Variants in ZNF232 observed in about 807,000 individuals in gnomAD.
ZNF232 encodes the protein zinc finger protein 232.
In ZNF232, 25 loss-of-function variants were observed where a neutral mutation model predicts 25.2. The observed-to-expected ratio is 0.99, with a 90% CI of 0.72 to 1.39. ZNF232 has a LOEUF of 1.39. Ranked by LOEUF, ZNF232 falls within the 40% of genes most tolerant of loss-of-function variation. The pLI is 0.00. For missense variants in ZNF232, 519 were observed against 520.9 expected (o/e 1.00, Z 0.04); for synonymous variants, 193 against 182.9 (o/e 1.06, Z -0.45).
Position 5,109,476 on chromosome 17 carries a change from ACC to A in ZNF232, c.414_415del (p.Trp138CysfsTer7). On this transcript the variant is annotated frameshift_variant, in exon 2 of 4. Coordinates refer to ENST00000575898, the Ensembl canonical transcript of ZNF232. LOFTEE classifies it high-confidence loss of function. The stretch of plus-strand genomic sequence containing the variant: ...TCCACTCTTAGGGTGATGTCCCCGC[ACC>A]CAGGATTGGAGCTCCTCAGGCAGGA... The A allele has an allele frequency of 6.2e-7, 1 of 1,614,112 alleles. No homozygotes were observed. Among genetic ancestry groups the A allele is most frequent in the Non-Finnish European group, 8.5e-7 (1 of 1,180,006 alleles).
At chr17:5,112,618 AT>A (rs553692280), upstream of ZNF232, among the ~76,000 whole-genome samples, 155 of 143,530 alleles carry the variant, frequency 1.1e-3, no homozygotes, top group Middle Eastern at 3.5e-3. Context: ...CGCCCGGCTA[AT>A]TTTTTTTTTT....
At chr17:5,111,844 G>T (rs2072422373), upstream of ZNF232, 2 of 1,613,584 alleles carry the variant, frequency 1.2e-6, no homozygotes, top group South Asian at 1.1e-5. Context: ...CGCGAATCGC[G>T]CCACTTACAG....
At chr17:5,118,920 TTTGA>T (rs755409516) in intron 1 of ZNF232, among the ~76,000 whole-genome samples, 27 of 152,162 alleles carry the variant, frequency 1.8e-4, no homozygotes, top group Non-Finnish European at 2.8e-4. Flanking sequence ...AAAGGCAACA[TTTGA>T]TTGGTAAGAA....
At chr17:5,120,786 ATGGT>A in intron 1 of ZNF232, 1 of 448,930 alleles carries the variant, frequency 2.2e-6, no homozygotes, top group Non-Finnish European at 4.5e-6. Context: ...TTTCTTCAGC[ATGGT>A]GGGTGGCCAT....
exon 2 of ZNF232, chr17:5,109,688 A>C: frequency 2.5e-6 from 4 of 1,614,168 alleles, no homozygotes; most frequent in Non-Finnish European, 3.4e-6. Flanking sequence ...AGTGGTTCCC[A>C]GGTAGCCTGG....
chr17:5,111,525 G>C (rs2072409332), intron 1 of ZNF232: 2 of 504,138 alleles, frequency 4.0e-6, no homozygotes, highest in Non-Finnish European at 6.9e-6. Flanking sequence ...GGGGGCTGTC[G>C]TCCAGGCCAG....
rs1377341108 is a variant in ZNF232, at chr17:5,108,908, C to A, written c.625+18G>T. 1 of 1,613,836 alleles carries A rather than the reference C, an allele frequency of 6.2e-7. No individual in the cohort carries two copies. Among genetic ancestry groups the A allele is most frequent in the Admixed American group, 1.7e-5 (1 of 60,010 alleles). ...TCCCTCTTTCTCCTCTCCCTCCCCA[C>A]AGAATCCTGCTCCTCACCACTCTTT... On this transcript the variant is annotated intron_variant, in intron 3 of 3. Transcript: ENST00000575898.
chr17:5,120,630 A>G (rs2072633003), intron 1 of ZNF232: 2 of 376,500 alleles, frequency 5.3e-6, no homozygotes, highest in Non-Finnish European at 1.0e-5. Flanking sequence ...TGCCCAGGAA[A>G]TGAAGGCCCT....
chr17:5,111,860 A>AC (rs779203866), upstream of ZNF232: 133 of 1,612,930 alleles, frequency 8.2e-5, 2 homozygotes, highest in South Asian at 8.2e-4. Flanking sequence ...TACAGCCCTC[A>AC]CCCCAGGGGC....
At chr17:5,117,452 G>A (rs1276447196) in intron 1 of ZNF232, among the ~76,000 whole-genome samples, 1 of 149,834 alleles carries the variant, frequency 6.7e-6, no homozygotes, top group Admixed American at 6.7e-5. Flanking sequence ...GGAGGCAAAG[G>A]TTGCAGTGAG....
At chr17:5,118,314 G>A (rs2072578700) in intron 1 of ZNF232, 1 of 152,500 alleles carries the variant, frequency 6.6e-6, no homozygotes, top group South Asian at 2.1e-4. Flanking sequence ...TGCAGGATCT[G>A]GCTGGCCACT....
At chr17:5,110,354 G>A (rs1045395827) in intron 1 of ZNF232, among the ~76,000 whole-genome samples, 1 of 152,140 alleles carries the variant, frequency 6.6e-6, no homozygotes, top group African/African-American at 2.4e-5. Context: ...GTAGAAACGG[G>A]GATGTAAAGT....
upstream of ZNF232, among the ~76,000 whole-genome samples, chr17:5,116,011 G>C (rs1242503916): frequency 1.3e-5 from 2 of 152,254 alleles, no homozygotes; most frequent in African/African-American, 4.8e-5. Flanking sequence ...AGGGGCGCAA[G>C]GCACGGAGGC....
chr17:5,108,718 G>T, intron 3 of ZNF232: 1 of 639,080 alleles, frequency 1.6e-6, no homozygotes, highest in Non-Finnish European at 2.5e-6. Context: ...AATCCTCAGA[G>T]CTATCTTATG....
At chr17:5,109,097 A>G in intron 2 of ZNF232, 45 bp from the exon 3 acceptor site, 1 of 1,612,790 alleles carries the variant, frequency 6.2e-7, no homozygotes, top group Non-Finnish European at 8.5e-7. Context: ...TCTTCAAATT[A>G]CTAGTGTGGT....
chr17:5,115,241 ATTGAG>A (rs1271730367), upstream of ZNF232, among the ~76,000 whole-genome samples: 1 of 152,070 alleles, frequency 6.6e-6, no homozygotes, highest in Non-Finnish European at 1.5e-5. Context: ...CTGACTTTTA[ATTGAG>A]TTATTTCGAA....
chr17:5,119,349 T>G (rs1474038343), intron 1 of ZNF232, among the ~76,000 whole-genome samples: 2 of 152,242 alleles, frequency 1.3e-5, no homozygotes, highest in East Asian at 3.8e-4. Flanking sequence ...CATTACTACA[T>G]TAGCTTCTGC....
At chr17:5,108,888 CTT>C in intron 3 of ZNF232, 36 bp downstream of exon 3, 1 of 1,613,286 alleles carries the variant, frequency 6.2e-7, no homozygotes, top group Non-Finnish European at 8.5e-7. Context: ...TATAGTCCCT[CTT>C]TCTCCTCTCC....
chr17:5,110,812 A>C (rs982310541), intron 1 of ZNF232, among the ~76,000 whole-genome samples: 3 of 152,218 alleles, frequency 2.0e-5, no homozygotes, highest in Non-Finnish European at 4.4e-5. Context: ...CCCAGGAAAA[A>C]GACACACAAG....
Sources: allele counts gnomAD v4.1 joint callset (sites outside exome capture counted in the v4.1 genomes callset), GRCh38; gene constraint gnomAD v4.1.1; transcripts MANE v1.5; gene names NCBI Gene and HGNC (gene_info 2026-07-23, HGNC 2026-07-21).